Variants in PTPRD observed in about 807,000 individuals in gnomAD.
The protein encoded by PTPRD is protein tyrosine phosphatase receptor type D, also known as receptor-type tyrosine-protein phosphatase delta.
Under a neutral mutation model 214.5 loss-of-function variants are expected in PTPRD, and 34 were observed. That is an observed-to-expected ratio of 0.16 (90% CI 0.12 to 0.21). PTPRD has a LOEUF of 0.21. Among genes scored for constraint, PTPRD ranks in the 10% least tolerant of loss-of-function variants. The pLI, the probability that PTPRD is intolerant of heterozygous loss-of-function variation, is 1.00. For synonymous variants in PTPRD, 1,128 were observed against 845.7 expected, an observed-to-expected ratio of 1.33 and a Z score of -5.79; for missense variants, 2,545 against 2,398.7, an observed-to-expected ratio of 1.06 and a Z score of -1.27.
At chr9:9,416,115 G>A (rs550034188) in intron 8 of PTPRD, among the ~76,000 whole-genome samples, 1 of 152,080 alleles carries the variant, frequency 6.6e-6, no homozygotes, top group African/African-American at 2.4e-5. Flanking sequence ...AATATCTCTT[G>A]AGGGCATTGC....
At chr9:9,548,037 C>T (rs990632092) in intron 8 of PTPRD, among the ~76,000 whole-genome samples, 6 of 151,732 alleles carry the variant, frequency 4.0e-5, no homozygotes, top group Non-Finnish European at 8.8e-5. Context: ...CACTGCTGTC[C>T]AATATTTTTT....
At chr9:8,454,078 TA>T (rs2096077190) in intron 33 of PTPRD, among the ~76,000 whole-genome samples, 1 of 152,212 alleles carries the variant, frequency 6.6e-6, no homozygotes, top group African/African-American at 2.4e-5. Flanking sequence ...TTGCTCTTAT[TA>T]TTCAAGACTG....
At chr9:10,243,524 C>T (rs2091520292) in intron 3 of PTPRD, among the ~76,000 whole-genome samples, 1 of 151,894 alleles carries the variant, frequency 6.6e-6, no homozygotes, top group Non-Finnish European at 1.5e-5. Flanking sequence ...TTGCATAGGT[C>T]CTCTTAACTG....
At chr9:9,193,019 T>C (rs1010559585) in intron 9 of PTPRD, among the ~76,000 whole-genome samples, 1 of 152,130 alleles carries the variant, frequency 6.6e-6, no homozygotes, top group African/African-American at 2.4e-5. Flanking sequence ...GATTCACATT[T>C]ACCTGTCAAC....
chr9:8,849,463 T>G (rs2097771088), intron 11 of PTPRD, among the ~76,000 whole-genome samples: 1 of 152,138 alleles, frequency 6.6e-6, no homozygotes, highest in Non-Finnish European at 1.5e-5. Flanking sequence ...CCTGACCTCG[T>G]GATCCACCGG....
Position 8,315,833 on chromosome 9 carries a change from C to G in PTPRD, c.*2041G>C, listed in dbSNP as rs975790961. 4.0e-5 allele frequency: 9 copies of G among 225,182 alleles called. No homozygotes were observed. The highest frequency in any genetic ancestry group is 8.0e-5 in the Non-Finnish European group (9 of 113,038). The allele number at this position is 225,182 out of a possible 1,614,324, so 13.9% of individuals were successfully genotyped here. A position where few individuals can be genotyped will look rare whatever the true frequency, so the allele number is the denominator to read the frequency against. Reference sequence around the variant, plus strand: ...TCATACCAAAACTCTTTAAGAGTTCCTTGGGTATTTTGAGGATTATTTAAA... The same window carrying G: ...TCATACCAAAACTCTTTAAGAGTTCGTTGGGTATTTTGAGGATTATTTAAA... On this transcript the variant is annotated 3_prime_UTR_variant, in exon 46 of 46. Coordinates refer to ENST00000381196, the MANE Select transcript of PTPRD (RefSeq NM_002839.4).
chr9:9,517,214 T>A (rs972581517), intron 8 of PTPRD, among the ~76,000 whole-genome samples: 8 of 152,082 alleles, frequency 5.3e-5, no homozygotes, highest in African/African-American at 1.9e-4. Flanking sequence ...CTAAGGAGAC[T>A]CTCTGTGTAT....
intron 8 of PTPRD, among the ~76,000 whole-genome samples, chr9:9,408,593 T>C (rs1025347128): frequency 6.6e-6 from 1 of 151,846 alleles, no homozygotes; most frequent in Non-Finnish European, 1.5e-5. Context: ...TCTTAGTAAA[T>C]GCTGTGATAA....
chr9:10,565,384 T>C (rs369995115), intron 2 of PTPRD, among the ~76,000 whole-genome samples: 6 of 152,230 alleles, frequency 3.9e-5, no homozygotes, highest in East Asian at 1.9e-4. Context: ...ATCTGTATAA[T>C]TGAACAATTA....
chr9:8,547,641 T>TAAAAA (rs759867541), intron 14 of PTPRD, among the ~76,000 whole-genome samples: 1 of 110,972 alleles, frequency 9.0e-6, no homozygotes. Context: ...GAATCCTATT[T>TAAAAA]AAAAAAAAAA....
At chr9:9,965,550 T>A (rs991814434) in intron 4 of PTPRD, among the ~76,000 whole-genome samples, 1 of 152,084 alleles carries the variant, frequency 6.6e-6, no homozygotes, top group Non-Finnish European at 1.5e-5. Flanking sequence ...AGATTCAGAG[T>A]TAATTGTGGC....
At chr9:8,737,891 C>T (rs1215034763) in intron 11 of PTPRD, among the ~76,000 whole-genome samples, 2 of 152,076 alleles carry the variant, frequency 1.3e-5, no homozygotes, top group Non-Finnish European at 2.9e-5. Flanking sequence ...CCTTGTGATC[C>T]GCTCGCCTCG....
At chr9:8,748,425 G>A (rs1459967462) in intron 11 of PTPRD, among the ~76,000 whole-genome samples, 1 of 147,772 alleles carries the variant, frequency 6.8e-6, no homozygotes, top group African/African-American at 2.5e-5. Flanking sequence ...TATAAACCCA[G>A]GCATTCGAGC....
intron 10 of PTPRD, among the ~76,000 whole-genome samples, chr9:9,091,815 C>A (rs1404152677): frequency 6.6e-6 from 1 of 152,326 alleles, no homozygotes; most frequent in East Asian, 1.9e-4. Flanking sequence ...ATACTGTTTA[C>A]TCTCAGGTTT....
chr9:8,786,239 AT>A (rs986216586), intron 11 of PTPRD, among the ~76,000 whole-genome samples: 1 of 152,094 alleles, frequency 6.6e-6, no homozygotes, highest in Non-Finnish European at 1.5e-5. Flanking sequence ...TATGAGTTTC[AT>A]TTTGTTAAAC....
intron 7 of PTPRD, among the ~76,000 whole-genome samples, chr9:9,654,699 T>G (rs1291489087): frequency 1.3e-5 from 2 of 152,196 alleles, no homozygotes; most frequent in African/African-American, 2.4e-5. Flanking sequence ...TGAGTTTAGC[T>G]AGAAGGAGTA....
Position 9,340,707 on chromosome 9 carries a change from A to G in PTPRD, c.-203+56742T>C, listed in dbSNP as rs186879988. Among the ~76,000 whole-genome samples the G allele has an allele frequency of 2.4e-3, 366 of 152,348 alleles. 3 individuals carry two copies. Among genetic ancestry groups the G allele is most frequent in the African/African-American group, 8.5e-3 (353 of 41,580 alleles). ...CTGTTGGACATGCTGTTGGAAAACA[A>G]TTATATTTCCTTACTTATAGGAATT... On this transcript the variant is annotated intron_variant, in intron 9 of 45. Transcript: ENST00000381196.
chr9:9,597,042 C>G (rs1365344553), intron 7 of PTPRD, among the ~76,000 whole-genome samples: 4 of 151,776 alleles, frequency 2.6e-5, no homozygotes, highest in Admixed American at 6.6e-5. Context: ...AGACTTATGC[C>G]AAAAAAGCTG....
intron 2 of PTPRD, among the ~76,000 whole-genome samples, chr9:10,574,473 T>A (rs2068514872): frequency 6.6e-6 from 1 of 152,058 alleles, no homozygotes; most frequent in African/African-American, 2.4e-5. Context: ...GAAGTACACA[T>A]CACCCCTGTC....
Sources: allele counts gnomAD v4.1 joint callset (sites outside exome capture counted in the v4.1 genomes callset), GRCh38; gene constraint gnomAD v4.1.1; transcripts MANE v1.5; gene names NCBI Gene and HGNC (gene_info 2026-07-23, HGNC 2026-07-21).